The following ZNF445 variants were observed in gnomAD, a reference collection of about 807,000 sequenced individuals.
ZNF445 encodes zinc finger protein 445.
ZNF445 carries 19 observed loss-of-function variants against 93.9 expected under a neutral mutation model. The observed-to-expected ratio is 0.20, with a 90% CI of 0.14 to 0.30. The LOEUF (loss-of-function observed/expected upper bound fraction) is 0.30, where lower values mean the gene tolerates loss of function less well. ZNF445 is among the 10% of genes least tolerant of loss of function. The probability of loss-of-function intolerance (pLI) is 1.00; values close to 1 mark genes in which losing one functional copy is unlikely to be tolerated. For missense variants in ZNF445, 1,058 were observed against 1,259.4 expected, an observed-to-expected ratio of 0.84 and a Z score of 2.42; for synonymous variants, 449 against 446.3, an observed-to-expected ratio of 1.01 and a Z score of -0.08.
In ZNF445 at chr3:44,447,358, G is replaced by A; in HGVS notation, c.2313C>T (p.Phe771=). 1 of 1,614,206 alleles carries A rather than the reference G, an allele frequency of 6.2e-7. No individual in the cohort carries two copies. The highest frequency in any genetic ancestry group is 1.1e-5 in the South Asian group (1 of 91,082). ...PYKCSQCGKA[F]RNHSFLLIHQ... is the part of the protein sequence containing the mutation. ...GGATGAGGAGGAATGAGTGATTGCGGAAGGCCTTGCCACACTGGCTGCATT... is the reference window on the plus strand; with the variant it reads ...GGATGAGGAGGAATGAGTGATTGCGAAAGGCCTTGCCACACTGGCTGCATT... The change falls in exon 8 of 8, where the codon TTC becomes TTT. Residue 771 remains phenylalanine (F), a synonymous_variant. Coordinates refer to ENST00000396077, the MANE Select transcript of ZNF445 (RefSeq NM_181489.6). The surrounding 1 kb of genome is among the most constrained non-coding windows in gnomAD (Gnocchi z 4.7).
chr3:44,473,283 C>T (rs1458385549), intron 1 of ZNF445, among the ~76,000 whole-genome samples: 1 of 151,848 alleles, frequency 6.6e-6, no homozygotes, highest in Non-Finnish European at 1.5e-5. Flanking sequence ...GGAGAAACCC[C>T]GTCTCTACTA....
intron 5 of ZNF445, 68 bp from the exon 6 acceptor site, chr3:44,450,641 G>A (rs1697944356): frequency 6.4e-7 from 1 of 1,570,870 alleles, no homozygotes; most frequent in Non-Finnish European, 8.6e-7. Flanking sequence ...GGAGAGAAGG[G>A]GAATAAACTG....
At chr3:44,453,446 C>G (rs1321896439) in intron 3 of ZNF445, among the ~76,000 whole-genome samples, 1 of 151,922 alleles carries the variant, frequency 6.6e-6, no homozygotes, top group Non-Finnish European at 1.5e-5. Context: ...AGGTGCACAC[C>G]ACCACACCCG....
At position 44,440,394 on chromosome 3, in the gene ZNF445, GCTTCA is replaced by G. The variant is rs1445218682; in HGVS notation, c.*6176_*6180del. ...TAAAATTATGAGTTTACAGCTTCTGGCTTCACTTGTTATTTATTAAGCAAAATTAA... is the reference window on the plus strand; with the variant it reads ...TAAAATTATGAGTTTACAGCTTCTGGCTTGTTATTTATTAAGCAAAATTAA... On this transcript the variant is annotated 3_prime_UTR_variant, in exon 8 of 8. Coordinates refer to ENST00000396077, the MANE Select transcript of ZNF445 (RefSeq NM_181489.6). 6.6e-6 allele frequency: 1 copy of G among 152,066 alleles called. No individual in the cohort carries two copies. Among genetic ancestry groups the G allele is most frequent in the Non-Finnish European group, 1.5e-5 (1 of 68,016 alleles). 9.4% of individuals were successfully genotyped at this position (152,066 alleles called of 1,614,324 possible).
In ZNF445 at chr3:44,442,184, G is replaced by C. The variant is rs144694049; in HGVS notation, c.*4391C>G. 5.9e-5 allele frequency: 9 copies of C among 152,154 alleles called. No individual in the cohort carries two copies. Among genetic ancestry groups the C allele is most frequent in the Admixed American group, 4.6e-4 (7 of 15,278 alleles). The allele number at this position is 152,154 out of a possible 1,614,324, so 9.4% of individuals were successfully genotyped here. On this transcript the variant is annotated 3_prime_UTR_variant, in exon 8 of 8. Transcript: ENST00000396077. The stretch of plus-strand genomic sequence containing the variant: ...ATTTTTCATCTATCTGTGTTGAGAC[G>C]TAACTCTTTCATATTCACTTTCCAA...
chr3:44,460,282 T>A (rs1698093116), intron 1 of ZNF445, among the ~76,000 whole-genome samples: 1 of 152,196 alleles, frequency 6.6e-6, no homozygotes, highest in Admixed American at 6.5e-5. Context: ...CATTCCTGGG[T>A]ACGGATGGAA....
At chr3:44,470,660 C>T (rs1389596102) in intron 1 of ZNF445, among the ~76,000 whole-genome samples, 1 of 152,154 alleles carries the variant, frequency 6.6e-6, no homozygotes, top group Non-Finnish European at 1.5e-5. Context: ...GTATTTTTAG[C>T]CATGATTTCC....
chr3:44,475,125 C>T (rs1387662962), intron 1 of ZNF445, among the ~76,000 whole-genome samples: 1 of 152,050 alleles, frequency 6.6e-6, no homozygotes, highest in Non-Finnish European at 1.5e-5. Flanking sequence ...TTTGTCTTAT[C>T]TTACATTGAG....
intron 1 of ZNF445, among the ~76,000 whole-genome samples, chr3:44,476,034 A>G (rs180986678): frequency 1.2e-3 from 182 of 152,350 alleles, no homozygotes; most frequent in Non-Finnish European, 5.7e-4. Flanking sequence ...AAGGAAAAAG[A>G]AAATAAATTT....
chr3:44,458,060 C>A (rs916104730), intron 2 of ZNF445, among the ~76,000 whole-genome samples, 184 bp downstream of exon 2: 1 of 139,696 alleles, frequency 7.2e-6, no homozygotes, highest in African/African-American at 2.6e-5. Context: ...AGCCATAAAA[C>A]TATACAACTT....
At chr3:44,475,584 C>T (rs1426921615) in intron 1 of ZNF445, among the ~76,000 whole-genome samples, 1 of 152,198 alleles carries the variant, frequency 6.6e-6, no homozygotes, top group Admixed American at 6.5e-5. Context: ...ATTTGGATTC[C>T]TTCTTTCATT....
rs780201056 is a variant in ZNF445, at chr3:44,455,121, C to T, written c.429G>A (p.Arg143=). The change falls in exon 3 of 8, where the codon AGG becomes AGA. Residue 143 remains arginine (R), a splice_region_variant and synonymous_variant. Transcript: ENST00000396077. ...LQRDLDGTSW[R]DPGPAQSPDV... is the part of the protein sequence containing the mutation. ...GCACCACACACTTGCTCACACTCAC[C>T]CTCCAGGATGTCCCATCAAGGTCCC... 5.6e-6 allele frequency: 9 copies of T among 1,613,978 alleles called. No individual in the cohort carries two copies. The South Asian group carries it at 9.9e-5, about 18-fold the overall frequency.
intron 1 of ZNF445, among the ~76,000 whole-genome samples, chr3:44,468,357 C>A (rs1054773243): frequency 2.0e-5 from 3 of 152,200 alleles, no homozygotes; most frequent in African/African-American, 7.2e-5. Flanking sequence ...TTGTTCATTC[C>A]TGGGCACAGG....
At chr3:44,460,125 TGTAACATAAC>T (rs1698089966) in intron 1 of ZNF445, among the ~76,000 whole-genome samples, 1 of 152,224 alleles carries the variant, frequency 6.6e-6, no homozygotes, top group Non-Finnish European at 1.5e-5. Context: ...TAGAGCACTC[TGTAACATAAC>T]ATTGAAAACA....
intron 3 of ZNF445, among the ~76,000 whole-genome samples, chr3:44,454,375 T>C (rs556759258): frequency 6.6e-6 from 1 of 152,138 alleles, no homozygotes; most frequent in East Asian, 1.9e-4. Flanking sequence ...CAAGTCAAAT[T>C]AGATAATATG....
chr3:44,469,638 G>A (rs953572968), intron 1 of ZNF445, among the ~76,000 whole-genome samples: 3 of 151,944 alleles, frequency 2.0e-5, no homozygotes, highest in Non-Finnish European at 2.9e-5. Context: ...GCGTGGAGAC[G>A]TACAGCTGTA....
intron 1 of ZNF445, among the ~76,000 whole-genome samples, chr3:44,461,372 AATAGGAGG>A (rs56857253): frequency 0.38 from 57,702 of 151,508 alleles, 12,476 homozygotes; most frequent in East Asian, 0.86. Flanking sequence ...TCAGACCGAG[AATAGGAGG>A]ATAGCTTGGT....
At chr3:44,448,959 C>T (rs543717467) in intron 7 of ZNF445, among the ~76,000 whole-genome samples, 22 of 152,246 alleles carry the variant, frequency 1.4e-4, no homozygotes, top group African/African-American at 4.6e-4. Flanking sequence ...GATATGCAGA[C>T]GTCACATCCA....
At chr3:44,474,511 T>A (rs1402859477) in intron 1 of ZNF445, among the ~76,000 whole-genome samples, 1 of 151,918 alleles carries the variant, frequency 6.6e-6, no homozygotes, top group Non-Finnish European at 1.5e-5. Context: ...CAAAATTCCG[T>A]CTCAAACAAA....
Sources: allele counts gnomAD v4.1 joint callset (sites outside exome capture counted in the v4.1 genomes callset), GRCh38; gene constraint gnomAD v4.1.1; non-coding constraint Gnocchi (gnomAD v3.1); transcripts MANE v1.5; gene names NCBI Gene and HGNC (gene_info 2026-07-23, HGNC 2026-07-21).